MEF2C: variants seen among roughly 807,000 people sequenced by gnomAD.
The protein encoded by MEF2C is myocyte-specific enhancer factor 2C.
A neutral mutation model predicts 50.5 loss-of-function variants in MEF2C; 6 were observed. The observed-to-expected ratio is 0.12, with a 90% CI of 0.07 to 0.23. The LOEUF (loss-of-function observed/expected upper bound fraction) is 0.23, where lower values mean the gene tolerates loss of function less well. Among genes scored for constraint, MEF2C ranks in the 10% least tolerant of loss-of-function variants. The pLI, the probability that MEF2C is intolerant of heterozygous loss-of-function variation, is 1.00. For missense variants in MEF2C, 276 were observed against 605.0 expected (o/e 0.46, Z 5.70); for synonymous variants, 183 against 228.0 (o/e 0.80, Z 1.78).
At chr5:88,763,960 TC>T (rs1259670026) in intron 3 of MEF2C, among the ~76,000 whole-genome samples, 1 of 152,234 alleles carries the variant, frequency 6.6e-6, no homozygotes, top group African/African-American at 2.4e-5. Flanking sequence ...CCAATAATTT[TC>T]TTATATAAAC....
At chr5:88,755,933 G>C (rs1422759197) in intron 4 of MEF2C, among the ~76,000 whole-genome samples, 2 of 152,090 alleles carry the variant, frequency 1.3e-5, no homozygotes, top group African/African-American at 4.8e-5. Context: ...TCCTTCCTCT[G>C]ACTATTATCC....
chr5:88,775,192 A>G (rs1784201229), intron 3 of MEF2C, among the ~76,000 whole-genome samples: 1 of 152,224 alleles, frequency 6.6e-6, no homozygotes, highest in Non-Finnish European at 1.5e-5. Flanking sequence ...TTTCAGAGTT[A>G]GGGTCCTCTG....
chr5:88,880,756 T>A (rs1832593237), intron 1 of MEF2C: 2 of 152,094 alleles, frequency 1.3e-5, no homozygotes, highest in Middle Eastern at 3.4e-3. Flanking sequence ...GTTATCTAAG[T>A]TTCATGGAGT....
At chr5:88,892,508 C>T (rs1162025110) in intron 1 of MEF2C, among the ~76,000 whole-genome samples, 1 of 152,134 alleles carries the variant, frequency 6.6e-6, no homozygotes, top group Non-Finnish European at 1.5e-5. Flanking sequence ...TTCACCTATA[C>T]TGGGGTTATC....
At chr5:88,738,877 G>A (rs1360974595) in intron 6 of MEF2C, 2 of 985,136 alleles carry the variant, frequency 2.0e-6, no homozygotes, top group African/African-American at 3.5e-5. Context: ...TCTCTTTCTG[G>A]ATAAATAAAT....
At chr5:88,824,759 C>T (rs1294049913) in intron 1 of MEF2C, 1 of 151,754 alleles carries the variant, frequency 6.6e-6, no homozygotes, top group Non-Finnish European at 1.5e-5. Flanking sequence ...GAGTAAGATA[C>T]AAAATTGCAG....
intron 1 of MEF2C, among the ~76,000 whole-genome samples, chr5:88,842,568 GA>G (rs1001901588): frequency 2.9e-5 from 4 of 139,382 alleles, no homozygotes; most frequent in African/African-American, 5.9e-5. Context: ...ATTATACAGT[GA>G]AAAAAAATTT....
intron 3 of MEF2C, among the ~76,000 whole-genome samples, chr5:88,777,928 G>A (rs1214327842): frequency 2.3e-5 from 2 of 88,014 alleles, no homozygotes; most frequent in Non-Finnish European, 4.3e-5. Context: ...TTTTTGAGAT[G>A]GAGTCTCCCT....
intron 10 of MEF2C, among the ~76,000 whole-genome samples, chr5:88,725,442 ATAACT>A (rs1254435760): frequency 2.0e-5 from 3 of 152,180 alleles, no homozygotes; most frequent in African/African-American, 7.2e-5. Flanking sequence ...TAGCATTAAA[ATAACT>A]TAACTGCATA....
intron 1 of MEF2C, chr5:88,838,580 A>G (rs978345459): frequency 7.1e-6 from 7 of 985,234 alleles, no homozygotes; most frequent in Non-Finnish European, 8.4e-6. Flanking sequence ...AGAATTACAG[A>G]TGAGAATTAC....
At chr5:88,779,760 G>GTTTTTTTTTTT (rs70996493) in intron 3 of MEF2C, among the ~76,000 whole-genome samples, 10 of 147,156 alleles carry the variant, frequency 6.8e-5, no homozygotes, top group Non-Finnish European at 1.0e-4. Context: ...GCAAAGTGAG[G>GTTTTTTTTTTT]TTTTTTTTTT....
intron 6 of MEF2C, chr5:88,739,188 A>G: frequency 1.0e-6 from 1 of 976,586 alleles, no homozygotes; most frequent in Non-Finnish European, 1.2e-6. Flanking sequence ...ATAAATGTAT[A>G]AAAATAATTT....
intron 3 of MEF2C, chr5:88,771,539 A>T: frequency 6.1e-6 from 6 of 985,366 alleles, no homozygotes; most frequent in Non-Finnish European, 7.2e-6. Flanking sequence ...ATTTTTTAAC[A>T]TGTCTGCTTC....
chr5:88,886,369 T>C (rs978255625), upstream of MEF2C, among the ~76,000 whole-genome samples: 1 of 152,224 alleles, frequency 6.6e-6, no homozygotes, highest in African/African-American at 2.4e-5. Context: ...CTAATGATAC[T>C]TGGTTAGGAT....
chr5:88,813,137 C>T (rs375083493), intron 2 of MEF2C, among the ~76,000 whole-genome samples: 2 of 152,130 alleles, frequency 1.3e-5, no homozygotes, highest in African/African-American at 4.8e-5. Flanking sequence ...TGCCCTCAGA[C>T]GCTCCGGCCA....
chr5:88,798,738 T>G (rs570009982), intron 3 of MEF2C, among the ~76,000 whole-genome samples: 1 of 152,298 alleles, frequency 6.6e-6, no homozygotes, highest in Admixed American at 6.5e-5. Context: ...TTTTGGAATT[T>G]TCAGCCTTTT....
chr5:88,747,683 T>A (rs1016242819), intron 6 of MEF2C, among the ~76,000 whole-genome samples: 1 of 152,126 alleles, frequency 6.6e-6, no homozygotes, highest in African/African-American at 2.4e-5. Flanking sequence ...TCAGAACCAC[T>A]ACTAGCTGTT....
At chr5:88,873,980 A>T (rs1304574252) in intron 1 of MEF2C, among the ~76,000 whole-genome samples, 1 of 151,904 alleles carries the variant, frequency 6.6e-6, no homozygotes, top group Non-Finnish European at 1.5e-5. Context: ...TGTTAACTGT[A>T]ATAGAAGGGT....
intron 1 of MEF2C, among the ~76,000 whole-genome samples, chr5:88,826,725 T>C (rs534811195): frequency 2.0e-5 from 3 of 152,090 alleles, no homozygotes; most frequent in African/African-American, 7.2e-5. Context: ...TTTGTGTGTA[T>C]ATGAAAAAGG....
Sources: gnomAD v4.1 joint callset for allele counts (sites outside exome capture counted in the v4.1 genomes callset) on GRCh38, gnomAD v4.1.1 for gene constraint, MANE v1.5 for transcripts, NCBI Gene and HGNC (gene_info 2026-07-23, HGNC 2026-07-21) for gene names.